LDB2: variants seen among roughly 807,000 people sequenced by gnomAD.
LDB2 encodes LIM domain binding 2, also known as LIM domain-binding protein 2.
LDB2 carries 12 observed loss-of-function variants against 44.3 expected under a neutral mutation model. The observed-to-expected ratio is 0.27, with a 90% CI of 0.17 to 0.44. The LOEUF (loss-of-function observed/expected upper bound fraction) is 0.44, where lower values mean the gene tolerates loss of function less well. LDB2 is among the 20% of genes least tolerant of loss of function. LDB2 has a pLI of 1.00. For synonymous variants in LDB2, 164 were observed against 174.8 expected (o/e 0.94, Z 0.49); for missense variants, 344 against 473.5 (o/e 0.73, Z 2.54).
chr4:16,504,481 G>A (rs1259887140), intron 7 of LDB2, among the ~76,000 whole-genome samples: 1 of 152,218 alleles, frequency 6.6e-6, no homozygotes, highest in African/African-American at 2.4e-5. Flanking sequence ...CCTAAAATGT[G>A]AGCTTGGTAA....
At chr4:16,679,412 G>A (rs946274955) in intron 2 of LDB2, among the ~76,000 whole-genome samples, 11 of 152,108 alleles carry the variant, frequency 7.2e-5, no homozygotes, top group Non-Finnish European at 1.3e-4. Context: ...GAGTGCTAAC[G>A]TTTTTCTAGC....
chr4:16,848,308 A>G (rs1386373146), intron 1 of LDB2, among the ~76,000 whole-genome samples: 1 of 152,270 alleles, frequency 6.6e-6, no homozygotes, highest in Non-Finnish European at 1.5e-5. Context: ...GGAGAAGTCC[A>G]TGTATATACA....
intron 1 of LDB2, among the ~76,000 whole-genome samples, chr4:16,857,330 C>T (rs890655024): frequency 6.6e-6 from 1 of 152,234 alleles, no homozygotes; most frequent in African/African-American, 2.4e-5. Flanking sequence ...ACTTCTACTA[C>T]TCACATCCAA....
chr4:16,567,687 G>A (rs1337685117), intron 5 of LDB2, among the ~76,000 whole-genome samples: 1 of 152,136 alleles, frequency 6.6e-6, no homozygotes. Flanking sequence ...GGAGAATGGC[G>A]TGAACCCGGG....
intron 5 of LDB2, among the ~76,000 whole-genome samples, chr4:16,559,244 G>T (rs1185275116): frequency 6.6e-6 from 1 of 152,126 alleles, no homozygotes; most frequent in South Asian, 2.1e-4. Flanking sequence ...TGGACTAAAT[G>T]CTCCAATTAA....
chr4:16,614,573 G>GAAAA (rs1282791131), intron 2 of LDB2, among the ~76,000 whole-genome samples: 6 of 26,756 alleles, frequency 2.2e-4, no homozygotes, highest in Non-Finnish European at 2.5e-4. Flanking sequence ...ACATTTACAA[G>GAAAA]AAAAAACAAA....
chr4:16,606,311 T>C (rs144353773), intron 2 of LDB2, among the ~76,000 whole-genome samples: 487 of 152,334 alleles, frequency 3.2e-3, no homozygotes, highest in African/African-American at 0.011. Flanking sequence ...GATATTCCCA[T>C]GTTGAGGGAC....
chr4:16,595,327 T>A lies in LDB2; in HGVS notation c.408+376A>T, dbSNP rs562990462. ...TTTGAATCCAGCTCTAAAAAGTTAT[T>A]TCAGTAACAAAGCTGAAATACAGTG... is the stretch of plus-strand genomic sequence containing the variant. On this transcript the variant is annotated intron_variant, in intron 3 of 7. Transcript: ENST00000304523. 1.6e-4 allele frequency among the ~76,000 whole-genome samples: 24 copies of A among 152,286 alleles called. 2 individuals are homozygous for A. The South Asian group carries it at 4.8e-3, about 30-fold the overall frequency.
intron 2 of LDB2, among the ~76,000 whole-genome samples, chr4:16,644,419 A>AT (rs985589067): frequency 2.7e-5 from 4 of 147,632 alleles, no homozygotes; most frequent in Admixed American, 6.7e-5. Context: ...ACATGAACCA[A>AT]TTTTTTTTTC....
intron 2 of LDB2, among the ~76,000 whole-genome samples, chr4:16,736,346 T>C (rs1446937851): frequency 6.6e-6 from 1 of 152,220 alleles, no homozygotes; most frequent in Non-Finnish European, 1.5e-5. Context: ...ACAACACTCC[T>C]GAGTTTCTGT....
intron 5 of LDB2, among the ~76,000 whole-genome samples, chr4:16,544,466 T>C (rs1048304235): frequency 7.9e-5 from 12 of 152,192 alleles, no homozygotes; most frequent in African/African-American, 2.9e-4. Flanking sequence ...GCAGAGGTGC[T>C]AGAACATTAT....
intron 5 of LDB2, among the ~76,000 whole-genome samples, chr4:16,555,474 CAT>C (rs958534815): frequency 4.7e-4 from 72 of 152,298 alleles, no homozygotes; most frequent in East Asian, 1.5e-3. Flanking sequence ...CACCAACAAA[CAT>C]GTGCTTGCAT....
At chr4:16,560,255 TA>T (rs1230121764) in intron 5 of LDB2, among the ~76,000 whole-genome samples, 1 of 151,914 alleles carries the variant, frequency 6.6e-6, no homozygotes, top group Non-Finnish European at 1.5e-5. Context: ...CAAAAACCCT[TA>T]AAAAATTAAT....
At chr4:16,802,254 G>A (rs1023467984) in intron 1 of LDB2, among the ~76,000 whole-genome samples, 6 of 152,150 alleles carry the variant, frequency 3.9e-5, no homozygotes, top group Admixed American at 6.5e-5. Context: ...GACCCACCCC[G>A]CCTCAGGGGC....
chr4:16,515,085 C>G (rs1478040401), intron 5 of LDB2, among the ~76,000 whole-genome samples: 1 of 152,186 alleles, frequency 6.6e-6, no homozygotes, highest in Admixed American at 6.5e-5. Flanking sequence ...TACACATTCA[C>G]CATAGAATAC....
intron 1 of LDB2, among the ~76,000 whole-genome samples, chr4:16,801,342 T>G (rs976168148): frequency 1.3e-5 from 2 of 152,208 alleles, no homozygotes; most frequent in African/African-American, 4.8e-5. Context: ...TTGCTTTAGT[T>G]TATTTACTTA....
intron 5 of LDB2, among the ~76,000 whole-genome samples, chr4:16,512,442 A>AAAAC (rs3069348): frequency 0.53 from 67,454 of 127,850 alleles, 15,769 homozygotes; most frequent in African/African-American, 0.67. Context: ...TTTCTGGTTA[A>AAAAC]AAACAAACAA....
At chr4:16,580,630 G>A (rs1276054719) in intron 5 of LDB2, among the ~76,000 whole-genome samples, 1 of 152,180 alleles carries the variant, frequency 6.6e-6, no homozygotes, top group Non-Finnish European at 1.5e-5. Context: ...ATTTATGAAT[G>A]AAAGCAGACT....
chr4:16,789,400 T>C (rs1221195063), intron 1 of LDB2, among the ~76,000 whole-genome samples: 2 of 152,188 alleles, frequency 1.3e-5, no homozygotes, highest in African/African-American at 2.4e-5. Context: ...TGAACCTACA[T>C]TCTAGAAGGA....
Sources: gnomAD v4.1 joint callset for allele counts (sites outside exome capture counted in the v4.1 genomes callset) on GRCh38, gnomAD v4.1.1 for gene constraint, MANE v1.5 for transcripts, NCBI Gene and HGNC (gene_info 2026-07-23, HGNC 2026-07-21) for gene names.